Variants in KCNH7 observed in about 807,000 individuals in gnomAD.
KCNH7 encodes potassium voltage-gated channel subfamily H member 7.
A neutral mutation model predicts 120.8 loss-of-function variants in KCNH7; 49 were observed. The ratio of observed to expected loss-of-function variants is 0.41; its 90% CI spans 0.32 to 0.51. The LOEUF (loss-of-function observed/expected upper bound fraction) is 0.51. KCNH7 is among the 20% of genes least tolerant of loss of function. The probability of loss-of-function intolerance (pLI) is 0.38; values close to 1 mark genes in which losing one functional copy is unlikely to be tolerated. For missense variants in KCNH7, 1,097 were observed against 1,446.6 expected (o/e 0.76, Z 3.92); for synonymous variants, 547 against 516.1 (o/e 1.06, Z -0.81).
At chr2:162,463,785 TA>T (rs66479312) in intron 6 of KCNH7, among the ~76,000 whole-genome samples, 11,048 of 123,752 alleles carry the variant, frequency 0.089, 1,292 homozygotes, top group African/African-American at 0.28. Context: ...GTTCAAATAA[TA>T]AAAAAAAACA....
intron 3 of KCNH7, among the ~76,000 whole-genome samples, chr2:162,536,516 T>C (rs568086479): frequency 6.6e-6 from 1 of 151,998 alleles, no homozygotes; most frequent in South Asian, 2.1e-4. Context: ...TGGAGGAGAA[T>C]TTGACAGTAT....
At chr2:162,745,494 T>C (rs1688284855) in intron 2 of KCNH7, among the ~76,000 whole-genome samples, 1 of 152,182 alleles carries the variant, frequency 6.6e-6, no homozygotes, top group Non-Finnish European at 1.5e-5. Context: ...GATTTTCTTT[T>C]AGTTTGAAAA....
intron 6 of KCNH7, among the ~76,000 whole-genome samples, chr2:162,468,772 C>T (rs1689393288): frequency 1.3e-5 from 2 of 151,872 alleles, no homozygotes; most frequent in Admixed American, 1.3e-4. Flanking sequence ...TGGTCTCGAT[C>T]TACTGACCTC....
At chr2:162,469,691 C>T (rs1165867127) in intron 6 of KCNH7, among the ~76,000 whole-genome samples, 2 of 151,868 alleles carry the variant, frequency 1.3e-5, no homozygotes, top group East Asian at 2.0e-4. Context: ...CCCCCTCCCC[C>T]TCTCCCTCTC....
Position 162,690,107 on chromosome 2 carries a change from T to C in KCNH7, c.307+146430A>G, listed in dbSNP as rs370337944. Reference sequence around the variant, plus strand: ...ACATAGATGGAGCTGGAGGCTATTATCCTTAGCAAACTGACACAGGGACAG... The same window carrying C: ...ACATAGATGGAGCTGGAGGCTATTACCCTTAGCAAACTGACACAGGGACAG... On this transcript the variant is annotated intron_variant, in intron 2 of 15. Transcript: ENST00000332142. 7.5e-4 allele frequency among the ~76,000 whole-genome samples: 114 copies of C among 152,312 alleles called. 2 individuals are homozygous for C. In the South Asian group the frequency reaches 0.014, roughly 19 times the overall value.
intron 6 of KCNH7, among the ~76,000 whole-genome samples, chr2:162,469,184 G>A (rs963766126): frequency 1.3e-5 from 2 of 149,758 alleles, no homozygotes; most frequent in African/African-American, 5.1e-5. Flanking sequence ...AAGGTGGTAT[G>A]TAATAGCTAA....
intron 2 of KCNH7, among the ~76,000 whole-genome samples, chr2:162,542,188 TA>T (rs1336600021): frequency 6.6e-6 from 1 of 151,936 alleles, no homozygotes; most frequent in East Asian, 1.9e-4. Flanking sequence ...ACTTAGGTTT[TA>T]TAACTTTATT....
intron 6 of KCNH7, among the ~76,000 whole-genome samples, chr2:162,466,255 A>T (rs920715031): frequency 3.9e-5 from 6 of 152,312 alleles, no homozygotes; most frequent in African/African-American, 1.4e-4. Flanking sequence ...GTACTGTATT[A>T]GTTCATTCTC....
chr2:162,448,445 G>T (rs571073514), intron 6 of KCNH7, among the ~76,000 whole-genome samples: 2 of 151,866 alleles, frequency 1.3e-5, no homozygotes, highest in Non-Finnish European at 1.5e-5. Flanking sequence ...GTGTACCCAG[G>T]GCACTCCAGC....
intron 2 of KCNH7, among the ~76,000 whole-genome samples, chr2:162,654,282 C>T (rs2105265188): frequency 6.6e-6 from 1 of 151,240 alleles, no homozygotes; most frequent in East Asian, 1.9e-4. Flanking sequence ...ATAAGGAGCT[C>T]AAACAACTCA....
At chr2:162,410,822 C>G (rs559483470) in intron 9 of KCNH7, among the ~76,000 whole-genome samples, 15 of 151,846 alleles carry the variant, frequency 9.9e-5, no homozygotes, top group Non-Finnish European at 1.9e-4. Context: ...AAAAGGCATA[C>G]CAGTGGCCAA....
At chr2:162,564,112 ACTT>A (rs1473277953) in intron 2 of KCNH7, among the ~76,000 whole-genome samples, 1 of 152,012 alleles carries the variant, frequency 6.6e-6, no homozygotes, top group Non-Finnish European at 1.5e-5. Flanking sequence ...ACTTTAGAAA[ACTT>A]CTTACCACAT....
intron 2 of KCNH7, among the ~76,000 whole-genome samples, chr2:162,829,006 C>T (rs1425697279): frequency 6.6e-6 from 1 of 152,114 alleles, no homozygotes; most frequent in Admixed American, 6.6e-5. Flanking sequence ...TTCAGGCTAT[C>T]ATGGAAAGAG....
At chr2:162,489,019 A>G (rs1690200003) in intron 6 of KCNH7, among the ~76,000 whole-genome samples, 1 of 152,206 alleles carries the variant, frequency 6.6e-6, no homozygotes, top group South Asian at 2.1e-4. Flanking sequence ...TTAATTACCT[A>G]GCTAATTCGG....
At chr2:162,664,381 T>A (rs556385685) in intron 2 of KCNH7, among the ~76,000 whole-genome samples, 145 of 152,286 alleles carry the variant, frequency 9.5e-4, no homozygotes, top group African/African-American at 3.3e-3. Context: ...ATTTATTGGA[T>A]AACTGTCATA....
intron 2 of KCNH7, among the ~76,000 whole-genome samples, chr2:162,768,153 C>A (rs1028357717): frequency 3.3e-5 from 5 of 152,092 alleles, no homozygotes; most frequent in Non-Finnish European, 7.4e-5. Flanking sequence ...TGACTTAAAA[C>A]AAATTTAAGT....
intron 14 of KCNH7, among the ~76,000 whole-genome samples, chr2:162,379,053 C>T (rs1055839427): frequency 6.6e-6 from 1 of 152,166 alleles, no homozygotes; most frequent in Non-Finnish European, 1.5e-5. Flanking sequence ...ATATGGTTTC[C>T]CTCTTCTCTC....
At chr2:162,641,016 A>G (rs187837812) in intron 2 of KCNH7, among the ~76,000 whole-genome samples, 15 of 152,270 alleles carry the variant, frequency 9.9e-5, no homozygotes, top group Admixed American at 2.0e-4. Context: ...AAACTAAAAA[A>G]TATTGATAAA....
intron 2 of KCNH7, among the ~76,000 whole-genome samples, chr2:162,793,947 CA>C (rs796069994): frequency 6.6e-6 from 1 of 151,594 alleles, no homozygotes; most frequent in African/African-American, 2.4e-5. Flanking sequence ...GTTCTCACCA[CA>C]AAAAAAGGTA....
Sources: allele counts gnomAD v4.1 joint callset (sites outside exome capture counted in the v4.1 genomes callset), GRCh38; gene constraint gnomAD v4.1.1; transcripts MANE v1.5; gene names NCBI Gene and HGNC (gene_info 2026-07-23, HGNC 2026-07-21).